Variants in ITSN2 observed in about 807,000 individuals in gnomAD.
ITSN2 encodes the protein intersectin 2.
Under a neutral mutation model 243.7 loss-of-function variants are expected in ITSN2, and 156 were observed. The ratio of observed to expected loss-of-function variants is 0.64; its 90% CI spans 0.56 to 0.73. The LOEUF (loss-of-function observed/expected upper bound fraction) is 0.73. Among genes scored for constraint, ITSN2 ranks in the 30% least tolerant of loss-of-function variants. The probability of loss-of-function intolerance (pLI) is 0.00; values close to 1 mark genes in which losing one functional copy is unlikely to be tolerated. For synonymous variants in ITSN2, 703 were observed against 699.9 expected (o/e 1.00, Z -0.07); for missense variants, 1,801 against 1,996.1 (o/e 0.90, Z 1.86).
chr2:24,298,887 C>T (rs1574210948), intron 12 of ITSN2, 73 bp from the exon 13 acceptor site: 2 of 1,430,676 alleles, frequency 1.4e-6, no homozygotes, highest in African/African-American at 1.4e-5. Flanking sequence ...GGGAAGACAA[C>T]AATAAAAGTC....
intron 3 of ITSN2, 109 bp downstream of exon 3, chr2:24,315,023 G>T (rs1319489563): frequency 2.3e-5 from 11 of 475,608 alleles, no homozygotes; most frequent in African/African-American, 1.2e-4. Flanking sequence ...TGATTGATAT[G>T]AATTTTATCG....
rs541477147 is a variant in ITSN2 at position 24,242,797 on chromosome 2, T to C, written c.3577+3332A>G. On this transcript the variant is annotated intron_variant, in intron 29 of 39. Transcript: ENST00000355123. ...AATTGAGAGCCCTTTTATTCCAGGA[T>C]AGATGACAAGCCTTTAGCCATTCAT... 1.3e-4 allele frequency among the ~76,000 whole-genome samples: 20 copies of C among 152,270 alleles called. No homozygotes were observed. In the Middle Eastern group the frequency reaches 0.01, roughly 78 times the overall value.
intron 36 of ITSN2, 37 bp from the exon 37 acceptor site, chr2:24,208,356 C>A (rs1249704764): frequency 6.6e-7 from 1 of 1,524,646 alleles, no homozygotes; most frequent in Admixed American, 1.7e-5. Flanking sequence ...GGCCGCATCC[C>A]ACCCTCACAG....
In ITSN2 at chr2:24,345,462, T is replaced by C. The variant is rs894856294; in HGVS notation, c.-34+14842A>G. Among the ~76,000 whole-genome samples the C allele has an allele frequency of 2.0e-5, 3 of 152,198 alleles. 1 individual carries two copies. Among genetic ancestry groups the C allele is most frequent in the Non-Finnish European group, 4.4e-5 (3 of 68,028 alleles). The stretch of plus-strand genomic sequence containing the variant: ...ATAAACGTATATATACCCATATGTA[T>C]TTTACATTGTCTAAACCTTCTTCTA... On this transcript the variant is annotated intron_variant, in intron 1 of 39. Coordinates refer to ENST00000355123, the MANE Select transcript of ITSN2 (RefSeq NM_006277.3).
chr2:24,283,306 C>A (rs141170411), intron 17 of ITSN2, among the ~76,000 whole-genome samples: 9,635 of 152,026 alleles, frequency 0.063, 322 homozygotes, highest in Non-Finnish European at 0.073. Flanking sequence ...CTCACTGCAA[C>A]CTCCGCCTCC....
At chr2:24,258,581 G>A (rs1263250182) in intron 22 of ITSN2, among the ~76,000 whole-genome samples, 2 of 152,096 alleles carry the variant, frequency 1.3e-5, no homozygotes, top group Non-Finnish European at 2.9e-5. Context: ...AAAGGAAGGA[G>A]TGTTTTGTTC....
rs1382723212 is a variant in ITSN2, at chr2:24,204,739, C to T, written c.4763-321G>A. On this transcript the variant is annotated intron_variant, in intron 38 of 39. Coordinates refer to ENST00000355123, the MANE Select transcript of ITSN2 (RefSeq NM_006277.3). This position sits in a 1 kb window ranked among gnomAD's most constrained non-coding sequence, Gnocchi z 5.1. ...ACACACTCGGGAAGGCGGGCACTGG[C>T]ACTTACTGGGAAAACAGTGATAAGA... 1 of 527,640 alleles carries T rather than the reference C, an allele frequency of 1.9e-6. No individual in the cohort carries two copies. Among genetic ancestry groups the T allele is most frequent in the Admixed American group, 2.2e-5 (1 of 44,564 alleles). 32.7% of individuals were successfully genotyped at this position (527,640 alleles called of 1,614,324 possible).
intron 22 of ITSN2, among the ~76,000 whole-genome samples, chr2:24,260,664 T>G (rs1199721374): frequency 6.6e-6 from 1 of 152,046 alleles, no homozygotes; most frequent in South Asian, 2.1e-4. Flanking sequence ...TCCCAACATT[T>G]TGGGACGCCA....
intron 31 of ITSN2, 51 bp from the exon 32 acceptor site, chr2:24,216,283 A>G: frequency 7.0e-7 from 1 of 1,420,856 alleles, no homozygotes; most frequent in Non-Finnish European, 9.5e-7. Context: ...GACTTAGGTA[A>G]TTAAAGGATG....
chr2:24,228,758 GA>G (rs772205929), intron 29 of ITSN2, among the ~76,000 whole-genome samples: 6 of 152,170 alleles, frequency 3.9e-5, no homozygotes, highest in Non-Finnish European at 7.4e-5. Context: ...AAGGGGCAAA[GA>G]AAATGCCTGG....
At chr2:24,237,514 A>C (rs898931118) in intron 29 of ITSN2, among the ~76,000 whole-genome samples, 2 of 152,110 alleles carry the variant, frequency 1.3e-5, no homozygotes, top group African/African-American at 4.8e-5. Context: ...GGTGGTGTAC[A>C]TCTGATGTTG....
chr2:24,250,794 A>C (rs1673984508), intron 25 of ITSN2, among the ~76,000 whole-genome samples: 1 of 152,152 alleles, frequency 6.6e-6, no homozygotes, highest in African/African-American at 2.4e-5. Context: ...ATTTTCTCTC[A>C]TGTATGTGTG....
At position 24,243,316 on chromosome 2, in the gene ITSN2, C is replaced by T. The variant is rs1226388874; in HGVS notation, c.3577+2813G>A. On this transcript the variant is annotated intron_variant, in intron 29 of 39. Transcript: ENST00000355123. ...ACTCCTAGTCAGTACAGAGTAGACACTCAAGTAATACCAAATGATGAATTT... is the reference window on the plus strand; with the variant it reads ...ACTCCTAGTCAGTACAGAGTAGACATTCAAGTAATACCAAATGATGAATTT... Among the ~76,000 whole-genome samples, 4 of 152,240 alleles carry T rather than the reference C, an allele frequency of 2.6e-5. 1 individual carries two copies. The highest frequency in any genetic ancestry group is 3.9e-4 in the East Asian group (2 of 5,184).
At chr2:24,347,944 T>C (rs1273026935) in intron 1 of ITSN2, among the ~76,000 whole-genome samples, 1 of 151,914 alleles carries the variant, frequency 6.6e-6, no homozygotes, top group Non-Finnish European at 1.5e-5. Context: ...TGATGGGTGG[T>C]GTGCATCTAT....
chr2:24,211,360 T>C lies in ITSN2; in HGVS notation c.4090-413A>G, dbSNP rs535621456. On this transcript the variant is annotated intron_variant, in intron 33 of 39. Coordinates refer to ENST00000355123, the MANE Select transcript of ITSN2 (RefSeq NM_006277.3). This position sits in a 1 kb window ranked among gnomAD's most constrained non-coding sequence, Gnocchi z 4.1. The stretch of plus-strand genomic sequence containing the variant: ...GCAATGGTTCATAACAATTTTGGGG[T>C]CACTGATCCTTTTGAAAAAAATCTG... 1.3e-5 allele frequency among the ~76,000 whole-genome samples: 2 copies of C among 152,208 alleles called. No individual in the cohort carries two copies. The highest frequency in any genetic ancestry group is 1.3e-4 in the Admixed American group (2 of 15,298).
At chr2:24,292,412 G>A (rs558378496) in intron 15 of ITSN2, among the ~76,000 whole-genome samples, 2 of 7,254 alleles carry the variant, frequency 2.8e-4, no homozygotes, top group African/African-American at 4.2e-4. Flanking sequence ...GCCTGTGTAG[G>A]GGTGAGGTGG....
intron 20 of ITSN2, among the ~76,000 whole-genome samples, chr2:24,264,697 T>TAC (rs55826835): frequency 0.02 from 1,004 of 49,928 alleles, 60 homozygotes; most frequent in African/African-American, 0.039. Flanking sequence ...CTGTTGTTTA[T>TAC]ACACACACAC....
intron 23 of ITSN2, 79 bp downstream of exon 23, chr2:24,257,809 A>G (rs1675258578): frequency 9.2e-7 from 1 of 1,086,890 alleles, no homozygotes; most frequent in Non-Finnish European, 1.4e-6. Flanking sequence ...ATTTTATTAT[A>G]CACTCAATCA....
chr2:24,358,184 C>T (rs1231630778), intron 1 of ITSN2, among the ~76,000 whole-genome samples: 1 of 152,228 alleles, frequency 6.6e-6, no homozygotes, highest in African/African-American at 2.4e-5. Context: ...GCTGGGATTA[C>T]AGGCATGAGC....
Sources: gnomAD v4.1 joint callset for allele counts (sites outside exome capture counted in the v4.1 genomes callset) on GRCh38, gnomAD v4.1.1 for gene constraint, Gnocchi (gnomAD v3.1) non-coding constraint, MANE v1.5 for transcripts, NCBI Gene and HGNC (gene_info 2026-07-23, HGNC 2026-07-21) for gene names.